Variants in PTPDC1 observed in about 807,000 individuals in gnomAD.
PTPDC1 encodes the protein protein tyrosine phosphatase domain containing 1, also known as protein tyrosine phosphatase domain-containing protein 1.
A neutral mutation model predicts 75.3 loss-of-function variants in PTPDC1; 53 were observed. The observed-to-expected ratio is 0.70, with a 90% CI of 0.56 to 0.88. The LOEUF (loss-of-function observed/expected upper bound fraction) is 0.88, where lower values mean the gene tolerates loss of function less well. PTPDC1 is among the 40% of genes least tolerant of loss of function. PTPDC1 has a pLI of 0.00. For missense variants in PTPDC1, 925 were observed against 998.6 expected, an observed-to-expected ratio of 0.93 and a Z score of 0.99; for synonymous variants, 349 against 366.2, an observed-to-expected ratio of 0.95 and a Z score of 0.54.
exon 1 of PTPDC1, chr9:94,031,088 C>A (rs186331779): frequency 2.0e-5 from 3 of 152,368 alleles, no homozygotes; most frequent in East Asian, 1.9e-4. Context: ...CCTGCTGACC[C>A]CAGCCGGCGC....
In PTPDC1 at chr9:94,108,084, G is replaced by T. The variant is rs76737669; in HGVS notation, c.*140G>T. Reference sequence around the variant, plus strand: ...TTGTTAGTTTGTGCTGAGAATGGTCGTCCGTATTTGAACCAATTATTTATT... The same window carrying T: ...TTGTTAGTTTGTGCTGAGAATGGTCTTCCGTATTTGAACCAATTATTTATT... On this transcript the variant is annotated 3_prime_UTR_variant, in exon 9 of 9. Coordinates refer to ENST00000620992, the MANE Select transcript of PTPDC1 (RefSeq NM_001253829.2). 1.6e-5 allele frequency: 7 copies of T among 434,198 alleles called. No individual in the cohort carries two copies. 26.9% of individuals were successfully genotyped at this position (434,198 alleles called of 1,614,324 possible). A position where few individuals can be genotyped will look rare whatever the true frequency, so the allele number is the denominator to read the frequency against.
At chr9:94,089,040 C>CTT (rs572095911) in intron 4 of PTPDC1, among the ~76,000 whole-genome samples, 1 of 141,076 alleles carries the variant, frequency 7.1e-6, no homozygotes, top group East Asian at 2.1e-4. Context: ...CAGGAAATGT[C>CTT]TTTTTTTTTT....
intron 2 of PTPDC1, among the ~76,000 whole-genome samples, chr9:94,071,244 G>T (rs1438107003): frequency 6.6e-6 from 1 of 151,890 alleles, no homozygotes; most frequent in Non-Finnish European, 1.5e-5. Flanking sequence ...GTTTTAATTT[G>T]CATTTCCTTA....
At chr9:94,056,105 A>T (rs1475860338) in intron 1 of PTPDC1, among the ~76,000 whole-genome samples, 9 of 152,224 alleles carry the variant, frequency 5.9e-5, no homozygotes, top group Non-Finnish European at 1.2e-4. Context: ...CTGCTCTAAA[A>T]AACAAAGTCT....
intron 7 of PTPDC1, among the ~76,000 whole-genome samples, chr9:94,102,658 C>T (rs1827883588): frequency 6.6e-6 from 1 of 152,156 alleles, no homozygotes; most frequent in African/African-American, 2.4e-5. Flanking sequence ...CAGCTCACTG[C>T]AACCTCTGCC....
exon 1 of PTPDC1, chr9:94,030,875 C>T (rs1362835261): frequency 6.6e-6 from 1 of 152,182 alleles, no homozygotes; most frequent in Admixed American, 6.5e-5. Context: ...GGCGCTCGCC[C>T]CAGGACGTTG....
intron 1 of PTPDC1, chr9:94,037,924 A>G (rs1437670097): frequency 3.9e-5 from 9 of 229,320 alleles, no homozygotes; most frequent in Non-Finnish European, 7.8e-5. Context: ...TCTACTGTTA[A>G]TGTGCAAATA....
At chr9:94,073,573 GT>G (rs2117914821) in intron 2 of PTPDC1, among the ~76,000 whole-genome samples, 1 of 152,052 alleles carries the variant, frequency 6.6e-6, no homozygotes, top group African/African-American at 2.4e-5. Flanking sequence ...TTGCACTGTT[GT>G]TTTCCATTTT....
intron 1 of PTPDC1, among the ~76,000 whole-genome samples, chr9:94,036,035 G>GA (rs1554690175): frequency 1.7e-5 from 2 of 118,666 alleles, no homozygotes; most frequent in Non-Finnish European, 3.6e-5. Flanking sequence ...TTTTTTTTTT[G>GA]TTTTTTTTTT....
intron 1 of PTPDC1, among the ~76,000 whole-genome samples, chr9:94,057,122 G>A (rs1351516625): frequency 1.3e-5 from 2 of 152,114 alleles, no homozygotes; most frequent in Admixed American, 6.5e-5. Context: ...TTTGAGGCTA[G>A]AGTGCAGTGA....
chr9:94,086,146 G>T (rs991380977), intron 2 of PTPDC1, among the ~76,000 whole-genome samples: 1 of 152,062 alleles, frequency 6.6e-6, no homozygotes, highest in Non-Finnish European at 1.5e-5. Context: ...TTGTCAACTG[G>T]CTTATCCAGC....
chr9:94,070,830 G>A (rs1375634375), intron 2 of PTPDC1, among the ~76,000 whole-genome samples: 1 of 152,176 alleles, frequency 6.6e-6, no homozygotes, highest in Non-Finnish European at 1.5e-5. Flanking sequence ...CCAGGTTGTT[G>A]TGTGTACCAA....
At chr9:94,091,644 T>A (rs1219362867) in intron 4 of PTPDC1, among the ~76,000 whole-genome samples, 1 of 152,180 alleles carries the variant, frequency 6.6e-6, no homozygotes, top group African/African-American at 2.4e-5. Context: ...ATTGGAATAG[T>A]TTCAGAAGGA....
At chr9:94,096,129 G>A (rs6479527) in intron 5 of PTPDC1, among the ~76,000 whole-genome samples, 86,917 of 151,674 alleles carry the variant, frequency 0.57, 25,965 homozygotes, top group African/African-American at 0.75. Context: ...TGCTGATATT[G>A]GGGCAAAAAT....
At chr9:94,104,207 T>C (rs896167094) in intron 7 of PTPDC1, 68 bp from the exon 8 acceptor site, 6 of 1,002,960 alleles carry the variant, frequency 6.0e-6, no homozygotes, top group Non-Finnish European at 9.2e-6. Context: ...GACTCTACGA[T>C]AGTTTTGAAT....
chr9:94,039,870 T>G (rs554895431), intron 1 of PTPDC1, among the ~76,000 whole-genome samples: 61 of 152,324 alleles, frequency 4.0e-4, no homozygotes, highest in Non-Finnish European at 6.6e-4. Flanking sequence ...CTGTTAAAAA[T>G]GGTTATTATC....
intron 1 of PTPDC1, among the ~76,000 whole-genome samples, chr9:94,031,363 C>G (rs964742155): frequency 6.6e-6 from 1 of 152,034 alleles, no homozygotes; most frequent in African/African-American, 2.4e-5. Context: ...TGCCTCTCAA[C>G]TGCCGCTGGA....
chr9:94,070,831 T>C (rs1455516681), intron 2 of PTPDC1, among the ~76,000 whole-genome samples: 1 of 152,226 alleles, frequency 6.6e-6, no homozygotes, highest in Admixed American at 6.5e-5. Context: ...CAGGTTGTTG[T>C]GTGTACCAAT....
Position 94,092,458 on chromosome 9 carries a change from A to T in PTPDC1, c.617-2859A>T, listed in dbSNP as rs568566203. On this transcript the variant is annotated intron_variant, in intron 4 of 8. Coordinates refer to ENST00000620992, the MANE Select transcript of PTPDC1 (RefSeq NM_001253829.2). ...ACTGTGGTCTGAGAGATAGTTTGTT[A>T]TAATTTCTGTTCTTTTACATTTGCT... is the stretch of plus-strand genomic sequence containing the variant. 6.4e-5 allele frequency among the ~76,000 whole-genome samples: 9 copies of T among 141,620 alleles called. No homozygotes were observed. In the South Asian group the frequency reaches 2.2e-3, roughly 34 times the overall value. The allele number at this position is 141,620 out of a possible 152,430, so 92.9% of individuals were successfully genotyped here.
Sources: allele counts gnomAD v4.1 joint callset (sites outside exome capture counted in the v4.1 genomes callset), GRCh38; gene constraint gnomAD v4.1.1; transcripts MANE v1.5; gene names NCBI Gene and HGNC (gene_info 2026-07-23, HGNC 2026-07-21).